Variants in ZNF511 observed in about 807,000 individuals in gnomAD.
ZNF511 encodes zinc finger protein 511.
Under a neutral mutation model 24.8 loss-of-function variants are expected in ZNF511, and 26 were observed. The ratio of observed to expected loss-of-function variants is 1.05; its 90% confidence interval spans 0.77 to 1.46. ZNF511 has a LOEUF of 1.46. ZNF511 is among the 40% of genes most tolerant of loss of function. The probability of loss-of-function intolerance (pLI) is 0.00; values close to 1 mark genes in which losing one functional copy is unlikely to be tolerated. For missense variants in ZNF511, 358 were observed against 345.0 expected, an observed-to-expected ratio of 1.04 and a Z score of -0.30; for synonymous variants, 144 against 139.6, an observed-to-expected ratio of 1.03 and a Z score of -0.22.
rs759522897 is a variant in ZNF511 at position 133,311,769 on chromosome 10, C to G, written c.608C>G (p.Ala203Gly). ...AGTGGAGAGCGGTCAGAAGGGGAGG[C>G]CATGGAAATCTGCTCTGAGCCTGTG... ...GDSGERSEGE[A>G]MEICSEPVAA... The change falls in exon 5 of 6, where the codon GCC becomes GGC. Residue 203 changes from alanine (A) to glycine (G), a missense_variant. Coordinates refer to ENST00000361518, the MANE Select transcript of ZNF511 (RefSeq NM_145806.4). The G allele has an allele frequency of 6.2e-7, 1 of 1,613,766 alleles. No homozygotes were observed. Among genetic ancestry groups the G allele is most frequent in the East Asian group, 2.2e-5 (1 of 44,882 alleles).
chr10:133,309,965 G>C lies in ZNF511; in HGVS notation c.417G>C (p.Glu139Asp). The stretch of plus-strand genomic sequence containing the variant: ...ATTCGCTCTTCCAGATCCTGTCTGA[G>C]AGGCAGGACATGGTGGGTGACAACT... ...WHDSLFQILS[E>D]RQDMYQCLVE... Residue 139 changes from glutamate to aspartate, a missense_variant, in exon 3 of 6, where the codon GAG becomes GAC. Glu to Asp is a conservative substitution (Grantham distance 45). Transcript: ENST00000361518. 1 of 1,613,074 alleles carries C rather than the reference G, an allele frequency of 6.2e-7. No homozygotes were observed. The highest frequency in any genetic ancestry group is 1.1e-5 in the South Asian group (1 of 91,068).
chr10:133,312,827 A>T lies in ZNF511; in HGVS notation c.720A>T (p.Arg240=). 6.2e-7 allele frequency: 1 copy of T among 1,614,244 alleles called. No individual in the cohort carries two copies. Among genetic ancestry groups the T allele is most frequent in the South Asian group, 1.1e-5 (1 of 91,090 alleles). ...TCTGCTTTGGTCAGGGTGCCGCTCG[A>T]GGATTTAAAAGCAACAAGAAGAAAA... ...STICFGQGAA[R]GFKSNKKKTK... The change falls in exon 6 of 6, where the codon CGA becomes CGT. Residue 240 remains arginine (R), a synonymous_variant. Transcript: ENST00000361518.
At chr10:133,310,948 C>T (rs1025295206) in intron 4 of ZNF511, among the ~76,000 whole-genome samples, 2 of 152,068 alleles carry the variant, frequency 1.3e-5, no homozygotes, top group East Asian at 1.9e-4. Context: ...ACTACCAACA[C>T]GCATCGCCGC....
chr10:133,309,120 A>T, intron 1 of ZNF511, 24 bp downstream of exon 1: 3 of 1,329,594 alleles, frequency 2.3e-6, no homozygotes, highest in Non-Finnish European at 2.9e-6. Flanking sequence ...AGAGGGAAAA[A>T]GTAGTTGTAG....
At chr10:133,312,297 G>A (rs933397024) in intron 5 of ZNF511, 10 of 1,217,960 alleles carry the variant, frequency 8.2e-6, no homozygotes, top group Middle Eastern at 3.3e-4. Context: ...CCTTTCTAGC[G>A]TCACCTGTGC....
rs1179924138 is a variant in ZNF511 at position 133,312,972 on chromosome 10, GCCATCCTCC to G, written c.*114_*122del. ...TGGCCGCCCTGGGGGCCAGGCCCTCGCCATCCTCCCCATCCTTGTTCCTCAGCAAATGGC... is the reference window on the plus strand; with the variant it reads ...TGGCCGCCCTGGGGGCCAGGCCCTCGCCATCCTTGTTCCTCAGCAAATGGC... On this transcript the variant is annotated 3_prime_UTR_variant, in exon 6 of 6. Coordinates refer to ENST00000361518, the MANE Select transcript of ZNF511 (RefSeq NM_145806.4). The G allele has an allele frequency of 1.8e-5, 28 of 1,576,774 alleles. No homozygotes were observed. In the African/African-American group the frequency reaches 2.7e-4, roughly 15 times the overall value.
rs1200885944 is a variant in ZNF511 at position 133,309,758 on chromosome 10, A to C, written c.228-18A>C. 6.2e-7 allele frequency: 1 copy of C among 1,611,934 alleles called. No individual in the cohort carries two copies. Among genetic ancestry groups the C allele is most frequent in the Non-Finnish European group, 8.5e-7 (1 of 1,180,022 alleles). ...CTCGCACCGGAGGAAGGGCTCCTGA[A>C]GCACGTCTCCTTGGCAGGGTGCCCG... is the stretch of plus-strand genomic sequence containing the variant. On this transcript the variant is annotated intron_variant, in intron 2 of 5. Transcript: ENST00000361518.
At position 133,308,957 on chromosome 10, in the gene ZNF511, C is replaced by G. The variant is rs955678638; in HGVS notation, c.14C>G (p.Pro5Arg). 1.1e-5 allele frequency: 14 copies of G among 1,238,140 alleles called. No homozygotes were observed. In the African/African-American group the frequency reaches 1.3e-4, roughly 11 times the overall value. The allele number at this position is 1,238,140 out of a possible 1,614,324, so 76.7% of individuals were successfully genotyped here. Residue 5 changes from proline to arginine, a missense_variant, in exon 1 of 6, where the codon CCC (proline) becomes CGC (arginine). Physicochemically the swap from Pro to Arg is moderately radical, Grantham distance 103. Transcript: ENST00000361518. ...GCGCCCGGGGTGATGCAGTTGCCCC[C>G]CGCGCTGTGCGCCCGCCTCGCTGCG... is the stretch of plus-strand genomic sequence containing the variant. MQLP[P>R]ALCARLAAGP...
chr10:133,311,101 C>T lies in ZNF511; in HGVS notation c.555-615C>T, dbSNP rs12243782. Among the ~76,000 whole-genome samples, 1,113 of 152,272 alleles carry T rather than the reference C, an allele frequency of 7.3e-3. 12 individuals carry two copies. Among genetic ancestry groups the T allele is most frequent in the African/African-American group, 0.026 (1,061 of 41,532 alleles). ...GTAGGTATGAGCTACCATGTCCAGC[C>T]GGAACAATTTTTAAATTGTGTTATA... is the stretch of plus-strand genomic sequence containing the variant. On this transcript the variant is annotated intron_variant, in intron 4 of 5. Coordinates refer to ENST00000361518, the MANE Select transcript of ZNF511 (RefSeq NM_145806.4).
chr10:133,309,834 G>A lies in ZNF511; in HGVS notation c.286G>A (p.Asp96Asn). Residue 96 changes from aspartate to asparagine, a missense_variant, in exon 3 of 6, where the codon GAC becomes AAC. Physicochemically the swap from Asp to Asn is conservative, Grantham distance 23 (BLOSUM62 1). Transcript: ENST00000361518. ...GCCQVFDALD[D>N]YEHHYHTLHG... ...CTGCCAGGTGTTCGATGCCCTGGAC[G>A]ACTACGAGCACCACTACCACACGCT... 6.2e-7 allele frequency: 1 copy of A among 1,613,716 alleles called. No individual in the cohort carries two copies. The highest frequency in any genetic ancestry group is 1.7e-5 in the Admixed American group (1 of 60,030).
In ZNF511 at chr10:133,309,780, C is replaced by A; in HGVS notation, c.232C>A (p.Pro78Thr). 6.2e-7 allele frequency: 1 copy of A among 1,612,732 alleles called. No homozygotes were observed. Among genetic ancestry groups the A allele is most frequent in the Non-Finnish European group, 8.5e-7 (1 of 1,180,024 alleles). The part of the protein sequence containing the change: ...VADVPEKPRV[P>T]AFACQVAGCC... ...TGAAGCACGTCTCCTTGGCAGGGTGCCCGCGTTTGCCTGCCAGGTGGCCGG... is the reference window on the plus strand; with the variant it reads ...TGAAGCACGTCTCCTTGGCAGGGTGACCGCGTTTGCCTGCCAGGTGGCCGG... The change falls in exon 3 of 6, where the codon CCC becomes ACC. Residue 78 changes from proline (P) to threonine (T), a missense_variant. By Grantham distance (38) the Pro-to-Thr change is conservative. Coordinates refer to ENST00000361518, the MANE Select transcript of ZNF511 (RefSeq NM_145806.4).
Position 133,313,058 on chromosome 10 carries a change from C to A in ZNF511, c.*192C>A. The A allele has an allele frequency of 7.1e-7, 1 of 1,406,258 alleles. No individual in the cohort carries two copies. The highest frequency in any genetic ancestry group is 1.5e-5 in the South Asian group (1 of 66,488). 87.1% of individuals were successfully genotyped at this position (1,406,258 alleles called of 1,614,324 possible). A position where few individuals can be genotyped will look rare whatever the true frequency, so the allele number is the denominator to read the frequency against. ...AGGGACCCACAGATTTTGGAAACGA[C>A]CTGGACACACTATTGGGAAGGAGAT... On this transcript the variant is annotated 3_prime_UTR_variant, in exon 6 of 6. Coordinates refer to ENST00000361518, the MANE Select transcript of ZNF511 (RefSeq NM_145806.4).
chr10:133,311,644 A>G (rs767281112), intron 4 of ZNF511, 72 bp from the exon 5 acceptor site: 13 of 1,304,344 alleles, frequency 1.0e-5, no homozygotes, highest in Non-Finnish European at 1.4e-5. Flanking sequence ...TCTTTCTTGC[A>G]TGTTCATTTC....
In ZNF511 at chr10:133,309,942, T is replaced by G. The variant is rs1847950306; in HGVS notation, c.394T>G (p.Ser132Ala). 1.2e-6 allele frequency: 2 copies of G among 1,613,308 alleles called. No homozygotes were observed. ...LDAHILEWHD[S>A]LFQILSERQD... ...CGCCCACATCCTGGAGTGGCACGAT[T>G]CGCTCTTCCAGATCCTGTCTGAGAG... Residue 132 changes from serine (S) to alanine (A), a missense_variant, in exon 3 of 6, where the codon TCG becomes GCG. Physicochemically the swap from Ser to Ala is moderately conservative, Grantham distance 99 (BLOSUM62 1). Transcript: ENST00000361518.
intron 4 of ZNF511, 56 bp downstream of exon 4, chr10:133,310,344 C>T: frequency 6.2e-7 from 1 of 1,607,244 alleles, no homozygotes; most frequent in Non-Finnish European, 8.5e-7. Context: ...AAAAGGTTTC[C>T]AACTAGCCGG....
intron 3 of ZNF511, 35 bp from the exon 4 acceptor site, chr10:133,310,129 G>A: frequency 1.2e-6 from 2 of 1,612,918 alleles, no homozygotes; most frequent in Non-Finnish European, 1.7e-6. Flanking sequence ...GGGAGGGCCA[G>A]GGGTCAGAGG....
rs1195704777 is a variant in ZNF511 at position 133,312,792 on chromosome 10, C to T, written c.685C>T (p.Pro229Ser). The T allele has an allele frequency of 6.2e-7, 1 of 1,614,250 alleles. No homozygotes were observed. The highest frequency in any genetic ancestry group is 1.1e-5 in the South Asian group (1 of 91,092). Residue 229 changes from proline to serine, a missense_variant, in exon 6 of 6, where the codon CCC becomes TCC. Transcript: ENST00000361518. Reference sequence around the variant, plus strand: ...AGAAACTTTCTTCCATCCCAGAATACCCTCTACCATCTGCTTTGGTCAGGG... The same window carrying T: ...AGAAACTTTCTTCCATCCCAGAATATCCTCTACCATCTGCTTTGGTCAGGG... The part of the protein sequence containing the change: ...GERRIYRHRI[P>S]STICFGQGAA...
chr10:133,310,113 C>T lies in ZNF511; in HGVS notation c.430-51C>T, dbSNP rs146037041. ...TGGCAGCTCTGCTACGGGGGCATGG[C>T]GGTGGGGGAGGGCCAGGGGTCAGAG... On this transcript the variant is annotated intron_variant, in intron 3 of 5. Coordinates refer to ENST00000361518, the MANE Select transcript of ZNF511 (RefSeq NM_145806.4). The T allele has an allele frequency of 2.9e-5, 47 of 1,611,860 alleles. No individual in the cohort carries two copies. The African/African-American group carries it at 4.9e-4, about 17-fold the overall frequency.
chr10:133,312,512 G>C (rs1170449761), intron 5 of ZNF511: 19 of 1,339,978 alleles, frequency 1.4e-5, no homozygotes, highest in Non-Finnish European at 1.8e-5. Flanking sequence ...TGGACATGGG[G>C]TAGCAGGAAG....
Sources: allele counts gnomAD v4.1 joint callset (sites outside exome capture counted in the v4.1 genomes callset), GRCh38; gene constraint gnomAD v4.1.1; transcripts MANE v1.5; gene names NCBI Gene and HGNC (gene_info 2026-07-23, HGNC 2026-07-21).